The following ARK2N variants were observed in gnomAD, a reference collection of about 807,000 sequenced individuals.
The protein encoded by ARK2N is arkadia (RNF111) N-terminal like PKA signaling regulator 2N, also known as protein ARK2N.
At chr18:46,240,163 C>T in the ARK2N span, 1 of 1,614,178 alleles carries the variant, frequency 6.2e-7, no homozygotes, top group Non-Finnish European at 8.5e-7. Flanking sequence ...CAGCGGGCTT[C>T]TAGAGGAGCT....
chr18:46,202,186 G>C, the ARK2N span, among the ~76,000 whole-genome samples: 18 of 152,258 alleles, frequency 1.2e-4, no homozygotes, highest in South Asian at 3.7e-3. Context: ...GTTGTTTTAT[G>C]TCCAATTTTT....
chr18:46,185,737 A>G, the ARK2N span, among the ~76,000 whole-genome samples: 1 of 152,184 alleles, frequency 6.6e-6, no homozygotes, highest in Admixed American at 6.5e-5. Flanking sequence ...CTGTAATCCC[A>G]GTACTTTGTG....
chr18:46,174,784 C>T, the ARK2N span, among the ~76,000 whole-genome samples: 10 of 152,290 alleles, frequency 6.6e-5, no homozygotes, highest in African/African-American at 1.7e-4. Context: ...GAAGCAGTGG[C>T]GGCAACTCCG....
the ARK2N span, among the ~76,000 whole-genome samples, chr18:46,259,243 CTTTTTTTTTTT>C: frequency 1.5e-5 from 2 of 136,664 alleles, no homozygotes; most frequent in African/African-American, 2.7e-5. Context: ...TTCTTTCTTT[CTTTTTTTTTTT>C]TTTTTTTGAG....
chr18:46,205,159 C>T, the ARK2N span, among the ~76,000 whole-genome samples: 1,509 of 152,168 alleles, frequency 9.9e-3, 29 homozygotes, highest in African/African-American at 0.034. Flanking sequence ...CTGCCCGCCT[C>T]GGCCCCCCAA....
At chr18:46,180,520 A>G in the ARK2N span, among the ~76,000 whole-genome samples, 1 of 152,038 alleles carries the variant, frequency 6.6e-6, no homozygotes, top group Non-Finnish European at 1.5e-5. Context: ...CAGCCTGACC[A>G]ACTTGGAGAA....
the ARK2N span, among the ~76,000 whole-genome samples, chr18:46,241,106 A>G: frequency 6.6e-6 from 1 of 152,270 alleles, no homozygotes; most frequent in African/African-American, 2.4e-5. Flanking sequence ...TTTTACAAAA[A>G]AATGAGTTAT....
At chr18:46,207,388 C>CTTTTTTTTTTTTTTTTTT in the ARK2N span, among the ~76,000 whole-genome samples, 1 of 115,916 alleles carries the variant, frequency 8.6e-6, no homozygotes, top group African/African-American at 3.2e-5. Flanking sequence ...AGTTTCTATA[C>CTTTTTTTTTTTTTTTTTT]TTTTTTTTTT....
the ARK2N span, among the ~76,000 whole-genome samples, chr18:46,258,082 A>G: frequency 1.3e-5 from 2 of 152,070 alleles, no homozygotes; most frequent in African/African-American, 4.8e-5. Context: ...GCACGCCGCC[A>G]TGCCTGGCTA....
chr18:46,239,376 C>A, the ARK2N span, among the ~76,000 whole-genome samples: 1 of 152,042 alleles, frequency 6.6e-6, no homozygotes. Flanking sequence ...CATAAGATAT[C>A]CAAAGCAAAA....
chr18:46,195,534 CA>C, the ARK2N span, among the ~76,000 whole-genome samples: 1 of 142,970 alleles, frequency 7.0e-6, no homozygotes, highest in Non-Finnish European at 1.5e-5. Flanking sequence ...CAGCTTGAGC[CA>C]CCACGCCTTG....
At chr18:46,193,070 G>A in the ARK2N span, among the ~76,000 whole-genome samples, 5 of 151,798 alleles carry the variant, frequency 3.3e-5, no homozygotes. Context: ...GGAGACTGAG[G>A]CAGGAGAATT....
At chr18:46,203,172 A>G in the ARK2N span, among the ~76,000 whole-genome samples, 1 of 152,250 alleles carries the variant, frequency 6.6e-6, no homozygotes, top group Non-Finnish European at 1.5e-5. Flanking sequence ...GCAAACGTGC[A>G]CAAGAAGACA....
At chr18:46,242,102 C>T in the ARK2N span, among the ~76,000 whole-genome samples, 1 of 152,176 alleles carries the variant, frequency 6.6e-6, no homozygotes, top group Non-Finnish European at 1.5e-5. Flanking sequence ...AACCACTGCA[C>T]CCAGCCTTGT....
the ARK2N span, among the ~76,000 whole-genome samples, chr18:46,215,204 A>C: frequency 5.3e-5 from 8 of 152,156 alleles, no homozygotes; most frequent in Non-Finnish European, 1.2e-4. Flanking sequence ...CTGTAGTCCC[A>C]GCCATTTGGA....
At chr18:46,179,123 T>C in the ARK2N span, among the ~76,000 whole-genome samples, 1 of 151,876 alleles carries the variant, frequency 6.6e-6, no homozygotes, top group Admixed American at 6.6e-5. Context: ...TTTATATTTT[T>C]GGTAGAGACG....
chr18:46,216,354 G>T, the ARK2N span: 1 of 1,614,052 alleles, frequency 6.2e-7, no homozygotes, highest in Non-Finnish European at 8.5e-7. The surrounding 1 kb of genome is among the most constrained non-coding windows in gnomAD (Gnocchi z 4.3). Context: ...AGAAAAACCG[G>T]CAATCCAGTG....
the ARK2N span, among the ~76,000 whole-genome samples, chr18:46,204,262 A>ATATTGAAGC: frequency 2.6e-5 from 4 of 152,276 alleles, no homozygotes; most frequent in East Asian, 7.7e-4. Context: ...CTATCACTTG[A>ATATTGAAGC]TATTGAAGCT....
the ARK2N span, among the ~76,000 whole-genome samples, chr18:46,241,154 ATTG>A: frequency 6.6e-6 from 1 of 152,210 alleles, no homozygotes; most frequent in African/African-American, 2.4e-5. Flanking sequence ...AACTCCATTG[ATTG>A]TTGTTGTCTT....
Sources: allele counts gnomAD v4.1 joint callset (sites outside exome capture counted in the v4.1 genomes callset), GRCh38; gene constraint gnomAD v4.1.1; non-coding constraint Gnocchi (gnomAD v3.1); transcripts MANE v1.5; gene names NCBI Gene and HGNC (gene_info 2026-07-23, HGNC 2026-07-21).